TTC23L: variants seen among roughly 807,000 people sequenced by gnomAD.
TTC23L encodes the protein tetratricopeptide repeat protein 23-like.
A neutral mutation model predicts 48.1 loss-of-function variants in TTC23L; 42 were observed. The ratio of observed to expected loss-of-function variants is 0.87; its 90% confidence interval spans 0.68 to 1.13. The LOEUF (loss-of-function observed/expected upper bound fraction) is 1.13. Ranked by LOEUF, TTC23L falls within the 50% of genes most tolerant of loss-of-function variation. TTC23L has a pLI of 0.00. For synonymous variants in TTC23L, 159 were observed against 157.2 expected, an observed-to-expected ratio of 1.01 and a Z score of -0.09; for missense variants, 391 against 421.0, an observed-to-expected ratio of 0.93 and a Z score of 0.62.
At chr5:34,909,366 A>G in the TTC23L span, 9 of 1,540,618 alleles carry the variant, frequency 5.8e-6, no homozygotes, top group Non-Finnish European at 6.3e-6. Context: ...CCTATAGAAA[A>G]TGATTACCTC....
At chr5:34,852,356 A>G (rs1759747565) in intron 4 of TTC23L, among the ~76,000 whole-genome samples, 1 of 152,226 alleles carries the variant, frequency 6.6e-6, no homozygotes, top group Non-Finnish European at 1.5e-5. Context: ...ACACCTTAGG[A>G]CAGACAGCTC....
At chr5:34,858,211 TCCTTGGCTTGGGAGGGC>T in intron 4 of TTC23L, among the ~76,000 whole-genome samples, 1 of 152,302 alleles carries the variant, frequency 6.6e-6, no homozygotes, top group South Asian at 2.1e-4. Context: ...AAGGGTGGTA[TCCTTGGCTTGGGAGGGC>T]AGATACAGAA....
At chr5:34,903,542 T>C (rs965556347), downstream of TTC23L, among the ~76,000 whole-genome samples, 4 of 152,164 alleles carry the variant, frequency 2.6e-5, no homozygotes, top group African/African-American at 7.2e-5. Context: ...TTCTGTGGGT[T>C]TGGAAAAATT....
downstream of TTC23L, among the ~76,000 whole-genome samples, chr5:34,903,388 C>G (rs914505739): frequency 5.9e-5 from 9 of 151,992 alleles, no homozygotes; most frequent in Non-Finnish European, 1.0e-4. Context: ...CCATTTACCC[C>G]CTACCTGCAC....
intron 8 of TTC23L, among the ~76,000 whole-genome samples, chr5:34,876,233 ATT>A (rs1190082002): frequency 6.6e-6 from 1 of 152,168 alleles, no homozygotes; most frequent in Non-Finnish European, 1.5e-5. Context: ...GAGCAAATTA[ATT>A]CCAAAGTAAG....
intron 9 of TTC23L, among the ~76,000 whole-genome samples, chr5:34,884,702 T>C (rs143085174): frequency 1.2e-3 from 178 of 151,636 alleles, no homozygotes; most frequent in African/African-American, 4.2e-3. Context: ...TCAAAAAGAA[T>C]AAAATACTTA....
rs1253713970 is a variant in TTC23L, at chr5:34,847,477, GCT to G, written c.255+1805_255+1806del. The stretch of plus-strand genomic sequence containing the variant: ...TGTATATCAGTTATAGCTCAATAAC[GCT>G]GTTTTTTTTTTTTTTTTTTAAATCA... On this transcript the variant is annotated intron_variant, in intron 3 of 10. Coordinates refer to ENST00000505624, the Ensembl canonical transcript of TTC23L. Among the ~76,000 whole-genome samples the G allele has an allele frequency of 3.5e-5, 3 of 85,308 alleles. No individual in the cohort carries two copies. In the East Asian group the frequency reaches 8.0e-4, roughly 23 times the overall value. The allele number at this position is 85,308 out of a possible 152,430, so 56.0% of individuals were successfully genotyped here. A position where few individuals can be genotyped will look rare whatever the true frequency, so the allele number is the denominator to read the frequency against.
At chr5:34,918,168 G>T in the TTC23L span, 14 of 374,598 alleles carry the variant, frequency 3.7e-5, no homozygotes, top group Non-Finnish European at 5.8e-5. Flanking sequence ...AAACTAGCTG[G>T]ACATGGTGGC....
intron 8 of TTC23L, among the ~76,000 whole-genome samples, chr5:34,879,219 A>G (rs1290496153): frequency 6.6e-6 from 1 of 152,196 alleles, no homozygotes; most frequent in Non-Finnish European, 1.5e-5. Context: ...ATGAGAAATT[A>G]ATGAGTACAA....
At chr5:34,916,041 G>A in the TTC23L span, 2 of 948,880 alleles carry the variant, frequency 2.1e-6, no homozygotes, top group African/African-American at 3.4e-5. Context: ...CTCCCGGCCA[G>A]ACTGGGCACG....
At chr5:34,922,275 A>T in the TTC23L span, 4 of 1,576,504 alleles carry the variant, frequency 2.5e-6, no homozygotes, top group Non-Finnish European at 3.5e-6. Context: ...AAAAAACAGG[A>T]TCTCTATATG....
the TTC23L span, chr5:34,908,580 C>T: frequency 1.9e-6 from 1 of 522,124 alleles, no homozygotes; most frequent in Admixed American, 3.5e-5. Context: ...CATTTATTTA[C>T]ATGCCCTCTA....
chr5:34,888,706 T>C (rs1318572375), intron 9 of TTC23L, among the ~76,000 whole-genome samples: 1 of 152,242 alleles, frequency 6.6e-6, no homozygotes, highest in East Asian at 1.9e-4. Context: ...GGGAAATTAG[T>C]TGATTTCTTA....
chr5:34,914,936 C>T, the TTC23L span: 1 of 1,605,182 alleles, frequency 6.2e-7, no homozygotes, highest in Non-Finnish European at 8.5e-7. Context: ...CTGGGGCCAA[C>T]AACTTCTCGG....
At chr5:34,839,645 T>TG in intron 1 of TTC23L, 1 of 985,310 alleles carries the variant, frequency 1.0e-6, no homozygotes, top group African/African-American at 1.7e-5. Flanking sequence ...ATGGATGCTC[T>TG]GGAGCCTGGG....
chr5:34,873,400 T>C (rs1435963641), intron 8 of TTC23L, among the ~76,000 whole-genome samples: 2 of 151,986 alleles, frequency 1.3e-5, no homozygotes, highest in Admixed American at 6.6e-5. Context: ...GAGCTTTGAG[T>C]AAAGAGAAAA....
the TTC23L span, chr5:34,916,186 T>G: frequency 1.6e-5 from 3 of 191,288 alleles, no homozygotes; most frequent in Admixed American, 6.2e-5. Context: ...TGTTCAGTTG[T>G]TTTTTTTTTT....
intron 3 of TTC23L, among the ~76,000 whole-genome samples, chr5:34,847,338 G>A (rs574514147): frequency 1.3e-5 from 2 of 152,194 alleles, no homozygotes; most frequent in East Asian, 3.9e-4. Context: ...GGTTTTCAAG[G>A]CTTAAAAACT....
rs184192178 is a variant in TTC23L at position 34,898,132 on chromosome 5, G to A, written c.*97+1257G>A. ...CATTATATGTAAAGTGCTTAGCAGAGTGCCTGGCCCCATAGTAATCATGTA... is the reference window on the plus strand; with the variant it reads ...CATTATATGTAAAGTGCTTAGCAGAATGCCTGGCCCCATAGTAATCATGTA... On this transcript the variant is annotated intron_variant, in intron 10 of 10. Transcript: ENST00000505624. Among the ~76,000 whole-genome samples the A allele has an allele frequency of 2.0e-3, 305 of 152,298 alleles. 3 individuals are homozygous for A. The South Asian group carries it at 0.023, about 11-fold the overall frequency.
Sources: allele counts gnomAD v4.1 joint callset (sites outside exome capture counted in the v4.1 genomes callset), GRCh38; gene constraint gnomAD v4.1.1; transcripts MANE v1.5; gene names NCBI Gene and HGNC (gene_info 2026-07-23, HGNC 2026-07-21).